Variants in GRID2 observed in about 807,000 individuals in gnomAD.
GRID2 encodes glutamate ionotropic receptor delta type subunit 2.
Under a neutral mutation model 114.8 loss-of-function variants are expected in GRID2, and 33 were observed. That is an observed-to-expected ratio of 0.29 (90% CI 0.22 to 0.38). The LOEUF (loss-of-function observed/expected upper bound fraction) is 0.38. Among genes scored for constraint, GRID2 ranks in the 10% least tolerant of loss-of-function variants. GRID2 has a pLI of 1.00. For missense variants in GRID2, 1,184 were observed against 1,257.7 expected (o/e 0.94, Z 0.89); for synonymous variants, 505 against 449.9 (o/e 1.12, Z -1.55).
intron 2 of GRID2, among the ~76,000 whole-genome samples, chr4:92,740,727 GATAGATAGATA>G (rs1283809000): frequency 8.3e-5 from 12 of 144,316 alleles, no homozygotes; most frequent in African/African-American, 3.2e-4. Context: ...TAGATAGATA[GATAGATAGATA>G]GATGGATAGA....
chr4:92,377,487 C>G (rs547702285), intron 1 of GRID2, among the ~76,000 whole-genome samples: 21 of 152,272 alleles, frequency 1.4e-4, no homozygotes, highest in Admixed American at 2.6e-4. Context: ...TCTGAGCCCT[C>G]CAAACTGTTC....
At position 92,657,204 on chromosome 4, in the gene GRID2, C is replaced by T. The variant is rs74326385; in HGVS notation, c.244+66918C>T. Among the ~76,000 whole-genome samples the T allele has an allele frequency of 8.0e-5, 12 of 150,826 alleles. No homozygotes were observed. The East Asian group carries it at 2.3e-3, about 29-fold the overall frequency. On this transcript the variant is annotated intron_variant, in intron 2 of 15. Coordinates refer to ENST00000282020, the MANE Select transcript of GRID2 (RefSeq NM_001510.4). ...AAAGAAGGCTCCAGGGCATCACTTA[C>T]TACTTTTATCAATATACCATCACAT...
intron 2 of GRID2, among the ~76,000 whole-genome samples, chr4:92,948,370 T>G (rs1751795372): frequency 6.6e-6 from 1 of 151,860 alleles, no homozygotes; most frequent in South Asian, 2.1e-4. Flanking sequence ...AGCAGAAAAA[T>G]AATTACTAAA....
intron 13 of GRID2, among the ~76,000 whole-genome samples, chr4:93,614,433 A>C (rs2149671433): frequency 6.6e-6 from 1 of 152,334 alleles, no homozygotes; most frequent in East Asian, 1.9e-4. Flanking sequence ...CCAGCTTTTT[A>C]GATAGACAAC....
chr4:92,759,860 C>T (rs1737906270), intron 2 of GRID2, among the ~76,000 whole-genome samples: 1 of 151,048 alleles, frequency 6.6e-6, no homozygotes, highest in Non-Finnish European at 1.5e-5. Context: ...CTCCTGACCT[C>T]AGGTGATCAC....
chr4:93,531,109 A>G (rs1218456361), intron 13 of GRID2, among the ~76,000 whole-genome samples: 2 of 152,134 alleles, frequency 1.3e-5, no homozygotes, highest in African/African-American at 4.8e-5. Flanking sequence ...GTGTGGCAAA[A>G]TGATCAGTTG....
chr4:92,746,092 G>A (rs1049410028), intron 2 of GRID2, among the ~76,000 whole-genome samples: 1 of 152,070 alleles, frequency 6.6e-6, no homozygotes, highest in Non-Finnish European at 1.5e-5. Flanking sequence ...TGTTTAGGTA[G>A]TAACCTACAA....
chr4:93,577,815 C>T (rs1290259620), intron 13 of GRID2, among the ~76,000 whole-genome samples: 1 of 152,154 alleles, frequency 6.6e-6, no homozygotes, highest in Non-Finnish European at 1.5e-5. Context: ...CTGGAAAAGG[C>T]CTAATATTAT....
chr4:93,497,081 A>G (rs1727625226), intron 12 of GRID2, among the ~76,000 whole-genome samples: 1 of 150,630 alleles, frequency 6.6e-6, no homozygotes, highest in Non-Finnish European at 1.5e-5. Context: ...GCTGATAGGT[A>G]TGTGGTGATG....
rs577449074 is a variant in GRID2 at position 92,837,387 on chromosome 4, G to C, written c.244+247101G>C. Among the ~76,000 whole-genome samples the C allele has an allele frequency of 2.3e-4, 35 of 150,376 alleles. No homozygotes were observed. The South Asian group carries it at 6.8e-3, about 29-fold the overall frequency. On this transcript the variant is annotated intron_variant, in intron 2 of 15. Coordinates refer to ENST00000282020, the MANE Select transcript of GRID2 (RefSeq NM_001510.4). ...AAGTCTCCGTGAAACTATTGGGTCC[G>C]TTTCAACACTACCTTCAAAAAAATT...
intron 10 of GRID2, among the ~76,000 whole-genome samples, chr4:93,439,144 T>C (rs141601945): frequency 0.022 from 3,313 of 152,216 alleles, 69 homozygotes; most frequent in African/African-American, 0.047. Context: ...TATAAACATA[T>C]GTGTGCATGT....
intron 11 of GRID2, among the ~76,000 whole-genome samples, chr4:93,461,049 T>TACCCA (rs1723696739): frequency 6.6e-6 from 1 of 152,146 alleles, no homozygotes; most frequent in African/African-American, 2.4e-5. Flanking sequence ...ACCCATATGG[T>TACCCA]TAGCATGCTT....
At chr4:92,919,378 T>G (rs1422786451) in intron 2 of GRID2, among the ~76,000 whole-genome samples, 1 of 152,236 alleles carries the variant, frequency 6.6e-6, no homozygotes, top group African/African-American at 2.4e-5. Flanking sequence ...TCTTAGTTAT[T>G]TCTTGCCTTC....
intron 1 of GRID2, among the ~76,000 whole-genome samples, chr4:92,514,927 G>T (rs1263368026): frequency 2.6e-5 from 4 of 151,754 alleles, no homozygotes; most frequent in Non-Finnish European, 4.4e-5. Context: ...AGAGGTTGTG[G>T]CTCAGTATGT....
chr4:93,103,837 CTT>C (rs1309201313), intron 3 of GRID2, among the ~76,000 whole-genome samples: 1 of 119,750 alleles, frequency 8.4e-6, no homozygotes, highest in Non-Finnish European at 1.7e-5. Context: ...GAGAAAATCC[CTT>C]GTTTTTTTTT....
At chr4:93,252,154 A>C (rs758568790) in intron 8 of GRID2, among the ~76,000 whole-genome samples, 3 of 151,914 alleles carry the variant, frequency 2.0e-5, no homozygotes, top group Non-Finnish European at 4.4e-5. Context: ...CTATGTTCTG[A>C]ATGGTATTGC....
chr4:93,124,883 A>T (rs551107098), intron 4 of GRID2, among the ~76,000 whole-genome samples: 1 of 152,264 alleles, frequency 6.6e-6, no homozygotes, highest in South Asian at 2.1e-4. Context: ...TAAAAAATTA[A>T]ACTTATATGT....
At chr4:93,412,530 C>T (rs188167355) in intron 9 of GRID2, among the ~76,000 whole-genome samples, 144 of 152,212 alleles carry the variant, frequency 9.5e-4, no homozygotes, top group African/African-American at 3.3e-3. Context: ...TTTAGATGTA[C>T]AATTATTAGA....
intron 14 of GRID2, among the ~76,000 whole-genome samples, chr4:93,730,578 C>T (rs1457838215): frequency 1.3e-5 from 2 of 152,210 alleles, no homozygotes; most frequent in African/African-American, 2.4e-5. Context: ...TCCCATTGCA[C>T]TTGCCCATGG....
Sources: gnomAD v4.1 joint callset for allele counts (sites outside exome capture counted in the v4.1 genomes callset) on GRCh38, gnomAD v4.1.1 for gene constraint, MANE v1.5 for transcripts, NCBI Gene and HGNC (gene_info 2026-07-23, HGNC 2026-07-21) for gene names.